MEGF6: variants seen among roughly 807,000 people sequenced by gnomAD.
MEGF6 encodes multiple epidermal growth factor-like domains protein 6.
Under a neutral mutation model 207.1 loss-of-function variants are expected in MEGF6, and 184 were observed. The ratio of observed to expected loss-of-function variants is 0.89; its 90% confidence interval spans 0.79 to 1.00. MEGF6 has a LOEUF of 1.00. Ranked by LOEUF, MEGF6 falls within the 50% of genes least tolerant of loss-of-function variation. The probability of loss-of-function intolerance (pLI) is 0.00; values close to 1 mark genes in which losing one functional copy is unlikely to be tolerated. For synonymous variants in MEGF6, 1,038 were observed against 910.0 expected (o/e 1.14, Z -2.53); for missense variants, 2,282 against 2,202.9 (o/e 1.04, Z -0.72).
intron 4 of MEGF6, among the ~76,000 whole-genome samples, chr1:3,541,740 C>G (rs1044391105): frequency 2.6e-5 from 4 of 151,716 alleles, no homozygotes; most frequent in Non-Finnish European, 5.9e-5. Flanking sequence ...TGTGAAAGGC[C>G]GAGCCCACAG....
chr1:3,595,120 C>T (rs1644039011), intron 3 of MEGF6, among the ~76,000 whole-genome samples: 1 of 151,920 alleles, frequency 6.6e-6, no homozygotes, highest in African/African-American at 2.4e-5. Flanking sequence ...GTGGACTGAC[C>T]CCACCCGGCC....
chr1:3,610,473 CCCTCCTCCTCCT>C (rs879724888), intron 1 of MEGF6, among the ~76,000 whole-genome samples: 4 of 146,452 alleles, frequency 2.7e-5, no homozygotes, highest in East Asian at 4.2e-4. Flanking sequence ...CCAGCGACTC[CCCTCCTCCTCCT>C]CCTCCTCCTC....
chr1:3,599,275 C>A (rs114738346), intron 2 of MEGF6, among the ~76,000 whole-genome samples: 3 of 152,232 alleles, frequency 2.0e-5, no homozygotes, highest in Non-Finnish European at 4.4e-5. Context: ...TGGCCTCCCC[C>A]CCAGAGCTCA....
chr1:3,579,474 C>A (rs528929305), intron 4 of MEGF6, among the ~76,000 whole-genome samples: 3 of 152,200 alleles, frequency 2.0e-5, no homozygotes, highest in Non-Finnish European at 4.4e-5. Context: ...GACAGTTCAG[C>A]AAGGTGGCAG....
chr1:3,601,044 C>T (rs1191637529), intron 2 of MEGF6, among the ~76,000 whole-genome samples: 1 of 152,174 alleles, frequency 6.6e-6, no homozygotes, highest in Non-Finnish European at 1.5e-5. Context: ...CCCCTCCAAG[C>T]AGGGGGACTT....
intron 4 of MEGF6, among the ~76,000 whole-genome samples, chr1:3,571,098 G>A (rs1380372919): frequency 6.6e-6 from 1 of 152,162 alleles, no homozygotes; most frequent in African/African-American, 2.4e-5. Flanking sequence ...TGGGGAGCAG[G>A]ACACAGAGAG....
the MEGF6 span, among the ~76,000 whole-genome samples, chr1:3,618,399 C>T: frequency 2.0e-4 from 30 of 152,226 alleles, no homozygotes; most frequent in Middle Eastern, 0.01. This position sits in a 1 kb window ranked among gnomAD's most constrained non-coding sequence, Gnocchi z 4.7. Flanking sequence ...ACTGGATCCA[C>T]GGCCGAGAGA....
At chr1:3,559,872 A>G (rs1643141973) in intron 4 of MEGF6, among the ~76,000 whole-genome samples, 1 of 152,106 alleles carries the variant, frequency 6.6e-6, no homozygotes, top group African/African-American at 2.4e-5. Flanking sequence ...TTAGCTGGGC[A>G]TGGTGGCAAG....
chr1:3,545,060 C>T (rs983357751), intron 4 of MEGF6, among the ~76,000 whole-genome samples: 6 of 152,234 alleles, frequency 3.9e-5, no homozygotes, highest in Admixed American at 6.5e-5. Context: ...GGCTTGGCGG[C>T]GGGGCCAGCC....
Position 3,594,981 on chromosome 1 carries a change from C to T in MEGF6, c.376+357G>A, listed in dbSNP as rs932502981. Among the ~76,000 whole-genome samples, 16 of 152,214 alleles carry T rather than the reference C, an allele frequency of 1.1e-4. No individual in the cohort carries two copies. Among genetic ancestry groups the T allele is most frequent in the East Asian group, 1.9e-4 (1 of 5,174 alleles). On this transcript the variant is annotated intron_variant, in intron 3 of 36. Coordinates refer to ENST00000356575, the MANE Select transcript of MEGF6 (RefSeq NM_001409.4). This position sits in a 1 kb window ranked among gnomAD's most constrained non-coding sequence, Gnocchi z 4.2. ...AGGGACTCAGGGAGCTGGGGGTGAG[C>T]GTGGTGTGGCAGGTAAACCCCGAAC...
At chr1:3,521,567 G>C (rs1641747906) in intron 5 of MEGF6, among the ~76,000 whole-genome samples, 1 of 152,190 alleles carries the variant, frequency 6.6e-6, no homozygotes, top group African/African-American at 2.4e-5. Context: ...GCTTGAGACG[G>C]TGAGGCACCC....
At chr1:3,561,773 T>G (rs1643209286) in intron 4 of MEGF6, among the ~76,000 whole-genome samples, 1 of 152,280 alleles carries the variant, frequency 6.6e-6, no homozygotes. Flanking sequence ...CCAGGCCATC[T>G]GACTTCGCTC....
chr1:3,507,790 C>G lies in MEGF6; in HGVS notation c.1789+5G>C. ...TCCAGAAGCACCAGAAGAGGCTGCA[C>G]GCACCATCCTCACAGTTAGTTCCAC... On this transcript the variant is annotated splice_donor_5th_base_variant and intron_variant, in intron 14 of 36. Transcript: ENST00000356575. 5 of 1,612,726 alleles carry G rather than the reference C, an allele frequency of 3.1e-6. No individual in the cohort carries two copies. The highest frequency in any genetic ancestry group is 4.2e-6 in the Non-Finnish European group (5 of 1,179,862).
At chr1:3,588,466 ACAGGAGGGGGCAGGAGTGGC>A (rs1643928199) in intron 3 of MEGF6, among the ~76,000 whole-genome samples, 1 of 36,724 alleles carries the variant, frequency 2.7e-5, no homozygotes, top group African/African-American at 1.0e-4. Context: ...GCAGGAGGGG[ACAGGAGGGGGCAGGAGTGGC>A]CAGGAGGGGG....
intron 5 of MEGF6, among the ~76,000 whole-genome samples, chr1:3,523,575 C>A (rs1413388449): frequency 1.3e-5 from 2 of 152,206 alleles, no homozygotes; most frequent in Non-Finnish European, 2.9e-5. Context: ...CCCACACCCT[C>A]CAGGCTCCCC....
chr1:3,502,133 G>A (rs1350716411), intron 17 of MEGF6, among the ~76,000 whole-genome samples: 2 of 3,994 alleles, frequency 5.0e-4, no homozygotes, highest in African/African-American at 4.1e-3. Flanking sequence ...CCGGGGGTGG[G>A]GCTGCTGAGC....
At chr1:3,623,675 C>T in the MEGF6 span, 4 of 152,304 alleles carry the variant, frequency 2.6e-5, no homozygotes, top group African/African-American at 9.6e-5. Flanking sequence ...TGTAGTCTTT[C>T]CTCTCTGACT....
intron 3 of MEGF6, among the ~76,000 whole-genome samples, chr1:3,581,369 T>G: frequency 6.6e-6 from 1 of 152,096 alleles, no homozygotes; most frequent in East Asian, 1.9e-4. Context: ...CCTACCAGCC[T>G]CTTCCCTCCA....
intron 34 of MEGF6, chr1:3,493,076 G>A (rs960921203): frequency 2.6e-5 from 11 of 426,554 alleles, no homozygotes; most frequent in Non-Finnish European, 4.3e-5. Flanking sequence ...CCAGTGTTCA[G>A]GGATGCCCCC....
Sources: allele counts gnomAD v4.1 joint callset (sites outside exome capture counted in the v4.1 genomes callset), GRCh38; gene constraint gnomAD v4.1.1; non-coding constraint Gnocchi (gnomAD v3.1); transcripts MANE v1.5; gene names NCBI Gene and HGNC (gene_info 2026-07-23, HGNC 2026-07-21).